The following MAPK4 variants were observed in gnomAD, a reference collection of about 807,000 sequenced individuals.
MAPK4 encodes mitogen-activated protein kinase 4, also known as Erk3-related.
MAPK4 carries 22 observed loss-of-function variants against 47.7 expected under a neutral mutation model. The observed-to-expected ratio is 0.46, with a 90% CI of 0.33 to 0.66. The LOEUF (loss-of-function observed/expected upper bound fraction) is 0.66, where lower values mean the gene tolerates loss of function less well. Ranked by LOEUF, MAPK4 falls within the 30% of genes least tolerant of loss-of-function variation. The pLI is 0.02. For synonymous variants in MAPK4, 390 were observed against 365.7 expected (o/e 1.07, Z -0.76); for missense variants, 736 against 831.7 (o/e 0.88, Z 1.42).
At chr18:50,637,241 T>C (rs1026098244) in intron 1 of MAPK4, among the ~76,000 whole-genome samples, 15 of 152,226 alleles carry the variant, frequency 9.9e-5, no homozygotes, top group African/African-American at 3.4e-4. Flanking sequence ...CTAACTTTTA[T>C]TGAGCGCATA....
chr18:50,581,676 C>T (rs1411048487), intron 1 of MAPK4, among the ~76,000 whole-genome samples: 2 of 152,192 alleles, frequency 1.3e-5, no homozygotes, highest in Non-Finnish European at 2.9e-5. Context: ...CATCCTTTGC[C>T]AGTAACTTAT....
chr18:50,643,963 A>T (rs1328012194), intron 1 of MAPK4, among the ~76,000 whole-genome samples: 1 of 151,784 alleles, frequency 6.6e-6, no homozygotes, highest in Non-Finnish European at 1.5e-5. Context: ...TTATGGGGTT[A>T]TATTGATGAA....
Position 50,726,053 on chromosome 18 carries a change from C to T in MAPK4, c.945C>T (p.Tyr315=), listed in dbSNP as rs762795928. 4 of 1,614,020 alleles carry T rather than the reference C, an allele frequency of 2.5e-6. No homozygotes were observed. The highest frequency in any genetic ancestry group is 3.4e-6 in the Non-Finnish European group (4 of 1,180,030). The change falls in exon 5 of 6, where the codon TAC becomes TAT. Residue 315 remains tyrosine (Y), a synonymous_variant. Coordinates refer to ENST00000400384, the MANE Select transcript of MAPK4 (RefSeq NM_002747.4). ...MGLQHPYMSP[Y]SCPEDEPTSQ... ...TGCAACACCCCTACATGAGCCCATACTCGTGCCCTGAGGACGAGCCCACCT... is the reference window on the plus strand; with the variant it reads ...TGCAACACCCCTACATGAGCCCATATTCGTGCCCTGAGGACGAGCCCACCT...
chr18:50,677,093 T>C (rs1031787075), intron 2 of MAPK4, among the ~76,000 whole-genome samples: 2 of 152,112 alleles, frequency 1.3e-5, no homozygotes, highest in African/African-American at 4.8e-5. Context: ...GAACTGCGCA[T>C]ACAAGGAATC....
At chr18:50,569,408 GA>G (rs1290989298) in intron 1 of MAPK4, among the ~76,000 whole-genome samples, 9 of 152,194 alleles carry the variant, frequency 5.9e-5, no homozygotes, top group African/African-American at 2.2e-4. Flanking sequence ...GTTCAAAAGA[GA>G]ATTTTAATTA....
intron 1 of MAPK4, among the ~76,000 whole-genome samples, chr18:50,609,860 A>G (rs541492632): frequency 6.6e-6 from 1 of 152,274 alleles, no homozygotes; most frequent in East Asian, 1.9e-4. Flanking sequence ...TCAGACAGAA[A>G]AATTAAGATC....
chr18:50,574,945 A>T (rs1272566116), intron 1 of MAPK4, among the ~76,000 whole-genome samples: 1 of 152,174 alleles, frequency 6.6e-6, no homozygotes, highest in Non-Finnish European at 1.5e-5. Context: ...GCCTTCTTAA[A>T]ATAGGAGCTG....
intron 5 of MAPK4, among the ~76,000 whole-genome samples, chr18:50,727,513 C>G (rs1911265200): frequency 6.6e-6 from 1 of 152,224 alleles, no homozygotes; most frequent in African/African-American, 2.4e-5. Context: ...AATGAAGACT[C>G]TGTCTTCTGC....
chr18:50,701,540 A>G (rs143987847), intron 2 of MAPK4, among the ~76,000 whole-genome samples: 139 of 152,204 alleles, frequency 9.1e-4, no homozygotes, highest in Middle Eastern at 3.4e-3. Flanking sequence ...TTACTTCTGT[A>G]TGTGCAGTTA....
At chr18:50,609,668 T>C (rs1340614971) in intron 1 of MAPK4, among the ~76,000 whole-genome samples, 1 of 152,174 alleles carries the variant, frequency 6.6e-6, no homozygotes, top group Non-Finnish European at 1.5e-5. Context: ...TGATAGGTTC[T>C]GCTACCACCA....
intron 1 of MAPK4, among the ~76,000 whole-genome samples, chr18:50,582,241 G>C (rs1471860592): frequency 1.3e-5 from 2 of 152,212 alleles, no homozygotes; most frequent in African/African-American, 2.4e-5. Context: ...CTGACACTCA[G>C]TGGCTCCTAG....
At chr18:50,711,786 T>C (rs1350012098) in intron 2 of MAPK4, among the ~76,000 whole-genome samples, 3 of 152,202 alleles carry the variant, frequency 2.0e-5, no homozygotes, top group African/African-American at 7.2e-5. Context: ...TGAGCTCTTT[T>C]AATAAAATTG....
At chr18:50,721,839 C>A (rs1040676232) in intron 3 of MAPK4, 99 bp from the exon 4 acceptor site, 3 of 1,210,584 alleles carry the variant, frequency 2.5e-6, no homozygotes, top group Admixed American at 2.0e-5. Context: ...CCCCACTGCC[C>A]TGTGTTGTCC....
At chr18:50,650,389 C>A (rs1487752312) in intron 1 of MAPK4, among the ~76,000 whole-genome samples, 4 of 151,668 alleles carry the variant, frequency 2.6e-5, no homozygotes, top group African/African-American at 9.7e-5. Flanking sequence ...GTCCCTGCTC[C>A]CCTAGCCTGG....
chr18:50,676,427 T>C (rs746998650), intron 2 of MAPK4, among the ~76,000 whole-genome samples: 5 of 152,256 alleles, frequency 3.3e-5, no homozygotes, highest in Admixed American at 6.5e-5. Context: ...TACATAGTTA[T>C]ATACTTTTTA....
At chr18:50,623,323 G>A (rs950206355) in intron 1 of MAPK4, among the ~76,000 whole-genome samples, 4 of 152,286 alleles carry the variant, frequency 2.6e-5, no homozygotes, top group South Asian at 2.1e-4. Flanking sequence ...GGTTTCAAAA[G>A]AATTATTAAC....
Position 50,729,356 on chromosome 18 carries a change from C to T in MAPK4, c.1266C>T (p.Ala422=). The T allele has an allele frequency of 1.3e-6, 2 of 1,578,484 alleles. No individual in the cohort carries two copies. The highest frequency in any genetic ancestry group is 2.3e-5 in the South Asian group (2 of 88,016). ...CGTCCATGGAGCGCGCCTTCGAGGC[C>T]GACTACGGGCGCTCCTGCGACTACA... ...SHSSMERAFE[A]DYGRSCDYKV... The change falls in exon 6 of 6, where the codon GCC becomes GCT. Residue 422 remains alanine, a synonymous_variant. Coordinates refer to ENST00000400384, the MANE Select transcript of MAPK4 (RefSeq NM_002747.4).
At chr18:50,593,533 T>C (rs1249306728) in intron 1 of MAPK4, among the ~76,000 whole-genome samples, 1 of 152,176 alleles carries the variant, frequency 6.6e-6, no homozygotes, top group East Asian at 1.9e-4. Flanking sequence ...GTGGAACGAA[T>C]CCTAAACTCC....
intron 1 of MAPK4, among the ~76,000 whole-genome samples, chr18:50,621,250 A>G (rs1431841256): frequency 6.6e-6 from 1 of 152,228 alleles, no homozygotes; most frequent in Non-Finnish European, 1.5e-5. Context: ...GACAAAAGAC[A>G]GAAGATGCTT....
Sources: gnomAD v4.1 joint callset for allele counts (sites outside exome capture counted in the v4.1 genomes callset) on GRCh38, gnomAD v4.1.1 for gene constraint, MANE v1.5 for transcripts, NCBI Gene and HGNC (gene_info 2026-07-23, HGNC 2026-07-21) for gene names.